The following KSR1 variants were observed in gnomAD, a reference collection of about 807,000 sequenced individuals.
KSR1 encodes kinase suppressor of ras.
KSR1 carries 35 observed loss-of-function variants against 92.9 expected under a neutral mutation model. The ratio of observed to expected loss-of-function variants is 0.38; its 90% CI spans 0.29 to 0.50. The LOEUF is 0.50. KSR1 is among the 20% of genes least tolerant of loss of function. The pLI, the probability that KSR1 is intolerant of heterozygous loss-of-function variation, is 0.94. For synonymous variants in KSR1, 467 were observed against 472.6 expected (o/e 0.99, Z 0.15); for missense variants, 972 against 1,158.5 (o/e 0.84, Z 2.34).
At chr17:27,582,289 C>A (rs76515774) in intron 3 of KSR1, among the ~76,000 whole-genome samples, 1 of 152,136 alleles carries the variant, frequency 6.6e-6, no homozygotes, top group African/African-American at 2.4e-5. Flanking sequence ...TTGCAGTATG[C>A]CTACCTGTTC....
At chr17:27,465,138 G>T (rs374167705) in intron 1 of KSR1, 2 of 150,954 alleles carry the variant, frequency 1.3e-5, no homozygotes, top group Non-Finnish European at 3.0e-5. Context: ...AAAATTTGTT[G>T]TCATTTATTC....
rs543515238 is a variant in KSR1 at position 27,537,706 on chromosome 17, CAATA to C, written c.232-12859_232-12856del. Among the ~76,000 whole-genome samples the C allele has an allele frequency of 7.2e-5, 11 of 152,132 alleles. No homozygotes were observed. In the South Asian group the frequency reaches 2.1e-3, roughly 29 times the overall value. The stretch of plus-strand genomic sequence containing the variant: ...ACTCCATCTCAAATAAATAAACAAA[CAATA>C]AAATAAAAATACCTATCGGGATTCA... On this transcript the variant is annotated intron_variant, in intron 1 of 20. Coordinates refer to ENST00000644974, the MANE Select transcript of KSR1 (RefSeq NM_001394583.1).
At chr17:27,611,772 T>C in intron 18 of KSR1, 143 bp downstream of exon 18, 1 of 930,202 alleles carries the variant, frequency 1.1e-6, no homozygotes, top group Non-Finnish European at 1.6e-6. Context: ...GAGATGAAAA[T>C]GATATGCATT....
intron 1 of KSR1, among the ~76,000 whole-genome samples, chr17:27,529,648 A>G (rs987909126): frequency 6.6e-6 from 1 of 152,180 alleles, no homozygotes; most frequent in Non-Finnish European, 1.5e-5. Context: ...GAGGTTTGTT[A>G]TGGTTGCCGG....
intron 1 of KSR1, among the ~76,000 whole-genome samples, chr17:27,503,683 G>A (rs555392551): frequency 2.0e-5 from 3 of 152,272 alleles, no homozygotes; most frequent in Admixed American, 1.3e-4. Context: ...GTGGATGTGT[G>A]ACTTGTTTTG....
At chr17:27,568,151 G>T (rs898652098) in intron 2 of KSR1, among the ~76,000 whole-genome samples, 4 of 152,202 alleles carry the variant, frequency 2.6e-5, no homozygotes, top group African/African-American at 9.7e-5. Context: ...AGGGGAGCAG[G>T]AGCTCCTGAG....
intron 11 of KSR1, chr17:27,602,090 G>T (rs1245055178): frequency 3.1e-6 from 2 of 643,230 alleles, no homozygotes; most frequent in Admixed American, 5.8e-5. Flanking sequence ...TGAGCATAAT[G>T]GTGTTTAAAA....
chr17:27,625,799 G>A lies in KSR1; in HGVS notation c.*2407G>A, dbSNP rs1019321394. The A allele has an allele frequency of 2.0e-5, 3 of 152,252 alleles. No individual in the cohort carries two copies. Among genetic ancestry groups the A allele is most frequent in the East Asian group, 3.8e-4 (2 of 5,196 alleles). 9.4% of individuals were successfully genotyped at this position (152,252 alleles called of 1,614,324 possible). A position where few individuals can be genotyped will look rare whatever the true frequency, so the allele number is the denominator to read the frequency against. ...CTCGGGGAGAGCTCTTAGGGGCTGCGGAAGTCCCCACGGGGGTCTGAGAGT... is the reference window on the plus strand; with the variant it reads ...CTCGGGGAGAGCTCTTAGGGGCTGCAGAAGTCCCCACGGGGGTCTGAGAGT... On this transcript the variant is annotated 3_prime_UTR_variant, in exon 21 of 21. Transcript: ENST00000644974.
At chr17:27,529,910 C>T (rs1447321258) in intron 1 of KSR1, among the ~76,000 whole-genome samples, 1 of 152,196 alleles carries the variant, frequency 6.6e-6, no homozygotes, top group African/African-American at 2.4e-5. Context: ...TTGGCCCCCA[C>T]TTGAATCTGA....
intron 2 of KSR1, chr17:27,560,182 CCT>C (rs1215962267): frequency 6.3e-6 from 2 of 315,416 alleles, no homozygotes; most frequent in Admixed American, 9.0e-5. Flanking sequence ...CAAGCGGCCC[CCT>C]GTCCCACAAG....
At chr17:27,593,463 G>C (rs2073237420) in intron 9 of KSR1, among the ~76,000 whole-genome samples, 1 of 152,184 alleles carries the variant, frequency 6.6e-6, no homozygotes, top group South Asian at 2.1e-4. Flanking sequence ...CATGTGCCCA[G>C]TTGCCCCGTG....
intron 1 of KSR1, among the ~76,000 whole-genome samples, chr17:27,503,959 C>T (rs926883050): frequency 2.0e-5 from 3 of 152,280 alleles, no homozygotes; most frequent in Non-Finnish European, 4.4e-5. Context: ...CTATGCAATC[C>T]TGACAGATGT....
intron 1 of KSR1, chr17:27,526,607 G>A: frequency 6.3e-7 from 1 of 1,577,186 alleles, no homozygotes; most frequent in South Asian, 1.1e-5. Flanking sequence ...GACATTTGTT[G>A]ATCATGTTCA....
intron 1 of KSR1, among the ~76,000 whole-genome samples, chr17:27,492,470 G>A (rs2068860681): frequency 6.6e-6 from 1 of 152,192 alleles, no homozygotes; most frequent in African/African-American, 2.4e-5. Flanking sequence ...ATAGACCTGA[G>A]CCCAAATGTC....
Position 27,607,932 on chromosome 17 carries a change from G to A in KSR1, c.2013G>A (p.Thr671=), listed in dbSNP as rs756639082. 25 of 1,608,760 alleles carry A rather than the reference G, an allele frequency of 1.6e-5. No individual in the cohort carries two copies. The highest frequency in any genetic ancestry group is 5.6e-5 in the South Asian group (5 of 89,874). ...AIITSFCKGR[T]LHSFVRDPKT... is the part of the protein sequence containing the mutation. ...TCGACAGCTTCTGCAAGGGGCGGAC[G>A]TTGCACTCGTTTGTGAGGGACCCCA... is the stretch of plus-strand genomic sequence containing the variant. Residue 671 remains threonine, a synonymous_variant, in exon 15 of 21, where the codon ACG becomes ACA. Coordinates refer to ENST00000644974, the MANE Select transcript of KSR1 (RefSeq NM_001394583.1).
chr17:27,564,365 A>G (rs1278085767), intron 2 of KSR1, among the ~76,000 whole-genome samples: 1 of 152,250 alleles, frequency 6.6e-6, no homozygotes, highest in Non-Finnish European at 1.5e-5. Flanking sequence ...CAGGGCTCAT[A>G]GTAAGTACTT....
intron 1 of KSR1, among the ~76,000 whole-genome samples, chr17:27,466,760 G>T (rs1295955176): frequency 1.3e-5 from 2 of 152,170 alleles, no homozygotes. Context: ...TTGAAAGGAG[G>T]AGCTCTTTCT....
chr17:27,481,060 T>A (rs958490204), intron 1 of KSR1, among the ~76,000 whole-genome samples: 8 of 152,246 alleles, frequency 5.3e-5, no homozygotes, highest in African/African-American at 1.9e-4. Flanking sequence ...ATTATTTACA[T>A]CTCTTGACTT....
intron 2 of KSR1, among the ~76,000 whole-genome samples, chr17:27,551,852 C>T (rs1180213302): frequency 6.6e-6 from 1 of 152,204 alleles, no homozygotes; most frequent in Non-Finnish European, 1.5e-5. Context: ...TCGCCCCTTG[C>T]ATTCCATTTT....
Sources: allele counts gnomAD v4.1 joint callset (sites outside exome capture counted in the v4.1 genomes callset), GRCh38; gene constraint gnomAD v4.1.1; transcripts MANE v1.5; gene names NCBI Gene and HGNC (gene_info 2026-07-23, HGNC 2026-07-21).